SIRT5: variants seen among roughly 807,000 people sequenced by gnomAD.
SIRT5 encodes the protein NAD-dependent protein deacylase sirtuin-5, mitochondrial.
SIRT5 carries 26 observed loss-of-function variants against 40.0 expected under a neutral mutation model. That is an observed-to-expected ratio of 0.65 (90% CI 0.48 to 0.90). SIRT5 has a LOEUF of 0.90. Among genes scored for constraint, SIRT5 ranks in the 40% least tolerant of loss-of-function variants. The pLI is 0.00. For missense variants in SIRT5, 401 were observed against 402.4 expected, an observed-to-expected ratio of 1.00 and a Z score of 0.03; for synonymous variants, 146 against 149.1, an observed-to-expected ratio of 0.98 and a Z score of 0.15.
chr6:13,577,000 A>G (rs1758718454), intron 1 of SIRT5, among the ~76,000 whole-genome samples: 2 of 152,078 alleles, frequency 1.3e-5, no homozygotes. Flanking sequence ...TTCCTGTTCC[A>G]TTGGTTGATG....
In SIRT5 at chr6:13,607,293, C is replaced by G. The variant is rs907859345; in HGVS notation, c.858-4497C>G. On this transcript the variant is annotated intron_variant, in intron 9 of 9. Coordinates refer to ENST00000606117, the MANE Select transcript of SIRT5 (RefSeq NM_012241.5). The surrounding 1 kb of genome is among the most constrained non-coding windows in gnomAD (Gnocchi z 4.0). ...CTTGGCAAACACTGGATTACAACTT[C>G]TGGTTTTTGATATTTGTCTGTTTTT... Among the ~76,000 whole-genome samples, 2 of 151,510 alleles carry G rather than the reference C, an allele frequency of 1.3e-5. No individual in the cohort carries two copies. Among genetic ancestry groups the G allele is most frequent in the African/African-American group, 4.9e-5 (2 of 41,228 alleles).
chr6:13,605,387 C>A lies in SIRT5; in HGVS notation c.857+4438C>A, dbSNP rs201462566. On this transcript the variant is annotated intron_variant, in intron 9 of 9. Transcript: ENST00000606117. ...GCCCTTTACAGAAAAAGTTTTCTAA[C>A]CCCTGCTCTAGGTTACGGAGAAAAA... 4.6e-4 allele frequency: 458 copies of A among 985,224 alleles called. 1 individual carries two copies. In the African/African-American group the frequency reaches 5.8e-3, roughly 12 times the overall value. 61.0% of individuals were successfully genotyped at this position (985,224 alleles called of 1,614,324 possible). A position where few individuals can be genotyped will look rare whatever the true frequency, so the allele number is the denominator to read the frequency against.
At chr6:13,611,753 T>C in intron 9 of SIRT5, 37 bp from the exon 10 acceptor site, 1 of 1,482,694 alleles carries the variant, frequency 6.7e-7, no homozygotes, top group Non-Finnish European at 9.4e-7. Flanking sequence ...TGCTAACCTG[T>C]AGTTCAAAAC....
chr6:13,602,257 T>G (rs1209691587), intron 9 of SIRT5, among the ~76,000 whole-genome samples: 1 of 152,052 alleles, frequency 6.6e-6, no homozygotes, highest in Non-Finnish European at 1.5e-5. Flanking sequence ...AATCTAAAAT[T>G]CATATGAAAA....
In SIRT5 at chr6:13,591,843, A is replaced by G; in HGVS notation, c.424A>G (p.Ile142Val). ...GRRVVVITQN[I>V]DELHRKAGTK... ...GCGAGTCGTGGTCATCACCCAGAAC[A>G]TCGATGAGCTGCACCGCAAGGCTGG... The change falls in exon 5 of 10, where the codon ATC (isoleucine) becomes GTC (valine). Residue 142 changes from isoleucine to valine, a missense_variant. Ile to Val is a conservative substitution (Grantham distance 29). Coordinates refer to ENST00000606117, the MANE Select transcript of SIRT5 (RefSeq NM_012241.5). The G allele has an allele frequency of 1.2e-6, 2 of 1,614,078 alleles. No homozygotes were observed. Among genetic ancestry groups the G allele is most frequent in the African/African-American group, 1.3e-5 (1 of 75,044 alleles).
At chr6:13,602,159 A>G (rs1022609082) in intron 9 of SIRT5, among the ~76,000 whole-genome samples, 2 of 152,234 alleles carry the variant, frequency 1.3e-5, no homozygotes, top group East Asian at 1.9e-4. Context: ...TAAGATGGCA[A>G]TGCTCCCCAA....
In SIRT5 at chr6:13,575,391, T is replaced by TG. The variant is rs1758476874; in HGVS notation, c.-195+651dup. 2.0e-5 allele frequency among the ~76,000 whole-genome samples: 3 copies of TG among 152,088 alleles called. No homozygotes were observed. The South Asian group carries it at 6.2e-4, about 32-fold the overall frequency. On this transcript the variant is annotated intron_variant, in intron 1 of 9. Transcript: ENST00000606117. ...AAGCAGGTGATGGAACGGGAGGGAA[T>TG]GGGGCCCCCTAGTGGAGACACCTGG... is the stretch of plus-strand genomic sequence containing the variant.
intron 5 of SIRT5, among the ~76,000 whole-genome samples, chr6:13,594,387 A>C (rs1761314456): frequency 6.6e-6 from 1 of 152,286 alleles, no homozygotes; most frequent in South Asian, 2.1e-4. Flanking sequence ...GGTGCAGCTT[A>C]TGTCATCTTT....
intron 4 of SIRT5, 25 bp downstream of exon 4, chr6:13,588,489 A>G (rs201485681): frequency 5.0e-6 from 8 of 1,596,074 alleles, no homozygotes; most frequent in Non-Finnish European, 6.8e-6. Context: ...CAGAACATTA[A>G]AAGCCTCTGT....
chr6:13,590,549 G>A (rs1210965704), intron 4 of SIRT5, among the ~76,000 whole-genome samples: 2 of 110,486 alleles, frequency 1.8e-5, no homozygotes, highest in Admixed American at 1.1e-4. Context: ...GTATGTAGAT[G>A]TAATTGTGTG....
chr6:13,594,630 G>A (rs72829105), intron 5 of SIRT5, among the ~76,000 whole-genome samples: 9,861 of 152,288 alleles, frequency 0.065, 433 homozygotes, highest in Admixed American at 0.14. Flanking sequence ...GGGGCCGTGC[G>A]CAGCATGTGG....
intron 9 of SIRT5, chr6:13,605,624 G>A (rs908470770): frequency 2.0e-6 from 2 of 985,286 alleles, no homozygotes; most frequent in African/African-American, 3.5e-5. Context: ...TATTTTCAAG[G>A]TGTTAATTAG....
chr6:13,576,228 A>G (rs1478538915), intron 1 of SIRT5, among the ~76,000 whole-genome samples: 1 of 152,220 alleles, frequency 6.6e-6, no homozygotes, highest in African/African-American at 2.4e-5. Flanking sequence ...AGGAGCCTCC[A>G]TACTGTTTTC....
chr6:13,599,424 A>G (rs1387467611), intron 8 of SIRT5, among the ~76,000 whole-genome samples: 1 of 152,196 alleles, frequency 6.6e-6, no homozygotes, highest in Admixed American at 6.5e-5. Flanking sequence ...GCCCCACCAA[A>G]AACAAAGAAA....
chr6:13,602,448 C>T (rs946692454), intron 9 of SIRT5, among the ~76,000 whole-genome samples: 3 of 150,632 alleles, frequency 2.0e-5, no homozygotes, highest in African/African-American at 4.9e-5. Flanking sequence ...TGCAGTGAGC[C>T]GAGATTGTGC....
chr6:13,598,639 G>A (rs1459985523), intron 7 of SIRT5, among the ~76,000 whole-genome samples: 3 of 152,058 alleles, frequency 2.0e-5, no homozygotes, highest in Admixed American at 1.3e-4. Context: ...AGACCAGCCC[G>A]GCGAATGTGG....
intron 4 of SIRT5, chr6:13,589,433 G>C (rs1760523622): frequency 6.6e-6 from 1 of 152,330 alleles, no homozygotes; most frequent in Non-Finnish European, 1.5e-5. Context: ...CCCGGCCTCT[G>C]TTTGTTTTAT....
intron 2 of SIRT5, among the ~76,000 whole-genome samples, chr6:13,583,154 C>T (rs1289005452): frequency 6.6e-6 from 1 of 152,028 alleles, no homozygotes; most frequent in East Asian, 1.9e-4. Context: ...TGTAGTGGGC[C>T]GTGATCACGC....
At chr6:13,577,995 T>C (rs758058410) in intron 1 of SIRT5, among the ~76,000 whole-genome samples, 1 of 152,162 alleles carries the variant, frequency 6.6e-6, no homozygotes, top group Non-Finnish European at 1.5e-5. Flanking sequence ...TCTATACTTA[T>C]TGAGAGTTTT....
Sources: gnomAD v4.1 joint callset for allele counts (sites outside exome capture counted in the v4.1 genomes callset) on GRCh38, gnomAD v4.1.1 for gene constraint, Gnocchi (gnomAD v3.1) non-coding constraint, MANE v1.5 for transcripts, NCBI Gene and HGNC (gene_info 2026-07-23, HGNC 2026-07-21) for gene names.